INF2: variants seen among roughly 807,000 people sequenced by gnomAD.
INF2 encodes the protein inverted formin-2.
INF2 carries 43 observed loss-of-function variants against 123.5 expected under a neutral mutation model. That is an observed-to-expected ratio of 0.35 (90% CI 0.27 to 0.45). INF2 has a LOEUF of 0.45. INF2 is among the 20% of genes least tolerant of loss of function. INF2 has a pLI of 1.00. For synonymous variants in INF2, 851 were observed against 745.0 expected (o/e 1.14, Z -2.32); for missense variants, 1,453 against 1,682.7 (o/e 0.86, Z 2.39).
chr14:104,687,270 T>C (rs1052020020), upstream of INF2, among the ~76,000 whole-genome samples: 2 of 151,980 alleles, frequency 1.3e-5, no homozygotes, highest in Non-Finnish European at 2.9e-5. This position sits in a 1 kb window ranked among gnomAD's most constrained non-coding sequence, Gnocchi z 5.6. Context: ...CTGGGAGCGC[T>C]GGAGGTACAG....
At chr14:104,681,190 A>G in exon 1 of INF2, 2 of 318,260 alleles carry the variant, frequency 6.3e-6, no homozygotes, top group South Asian at 2.6e-5. Flanking sequence ...GCAGGAGGAA[A>G]TGGGGCGGGC....
intron 6 of INF2, 49 bp from the exon 7 acceptor site, chr14:104,706,861 A>C (rs1411812082): frequency 6.3e-7 from 1 of 1,593,816 alleles, no homozygotes; most frequent in African/African-American, 1.3e-5. Context: ...TCCTTAGTCC[A>C]CCAGGGAGGG....
intron 5 of INF2, chr14:104,704,739 A>G (rs1205823216): frequency 6.6e-6 from 1 of 152,494 alleles, no homozygotes; most frequent in African/African-American, 2.4e-5. Flanking sequence ...CGCCTACGTT[A>G]CACAGTGTAC....
chr14:104,687,109 G>C (rs1014977841), upstream of INF2, among the ~76,000 whole-genome samples: 3 of 152,204 alleles, frequency 2.0e-5, no homozygotes, highest in Non-Finnish European at 4.4e-5. The surrounding 1 kb of genome is among the most constrained non-coding windows in gnomAD (Gnocchi z 5.6). Context: ...CCGACACCCA[G>C]GAGGGGAGGC....
chr14:104,705,251 T>A lies in INF2; in HGVS notation c.702-784T>A, dbSNP rs374407496. Among the ~76,000 whole-genome samples the A allele has an allele frequency of 9.9e-5, 15 of 152,284 alleles. No homozygotes were observed. The South Asian group carries it at 1.9e-3, about 19-fold the overall frequency. On this transcript the variant is annotated intron_variant, in intron 5 of 22. Transcript: ENST00000392634. Reference sequence around the variant, plus strand: ...GGCCAACATGGTGAAACCCCATCTCTACTAAAAGTACAAAAATTAGCTGGC... The same window carrying A: ...GGCCAACATGGTGAAACCCCATCTCAACTAAAAGTACAAAAATTAGCTGGC...
At chr14:104,686,190 G>A (rs768319477), upstream of INF2, among the ~76,000 whole-genome samples, 2 of 151,166 alleles carry the variant, frequency 1.3e-5, no homozygotes, top group Non-Finnish European at 3.0e-5. Context: ...ATGATAGGTG[G>A]GTAGGTGGAT....
chr14:104,704,793 A>C (rs577195718), intron 5 of INF2: 1 of 152,138 alleles, frequency 6.6e-6, no homozygotes, highest in East Asian at 1.9e-4. Flanking sequence ...TAAAATAAAA[A>C]TTTTTTAAAA....
chr14:104,707,694 T>A lies in INF2; in HGVS notation c.1427T>A (p.Leu476Gln). 1.5e-6 allele frequency: 1 copy of A among 656,636 alleles called. No individual in the cohort carries two copies. Among genetic ancestry groups the A allele is most frequent in the Non-Finnish European group, 2.3e-6 (1 of 438,612 alleles). The allele number at this position is 656,636 out of a possible 1,614,324, so 40.7% of individuals were successfully genotyped here. ...LGAMAPPAPP[L>Q]PPPLPGSCEF... ...GCCATGGCCCCCCCAGCACCTCCTCTACCACCACCCCTGCCAGGCTCCTGT... is the reference window on the plus strand; with the variant it reads ...GCCATGGCCCCCCCAGCACCTCCTCAACCACCACCCCTGCCAGGCTCCTGT... Residue 476 changes from leucine (L) to glutamine (Q), a missense_variant, in exon 8 of 23, where the codon CTA becomes CAA. Leu to Gln is a moderately radical substitution (Grantham distance 113). Around this residue, in one of 8 missense-constraint regions of INF2, gnomAD observed 374 missense variants for 303.7 expected, o/e 1.23. Coordinates refer to ENST00000392634, the MANE Select transcript of INF2 (RefSeq NM_022489.4).
chr14:104,716,254 T>G (rs1890295629), intron 22 of INF2, among the ~76,000 whole-genome samples: 1 of 152,192 alleles, frequency 6.6e-6, no homozygotes, highest in African/African-American at 2.4e-5. Context: ...GGTGCACACC[T>G]GAGGTCTGCT....
At chr14:104,686,891 A>G (rs1368124682), upstream of INF2, among the ~76,000 whole-genome samples, 1 of 152,130 alleles carries the variant, frequency 6.6e-6, no homozygotes, top group Non-Finnish European at 1.5e-5. Context: ...CTCTCCCCTC[A>G]TCCCAATCTT....
chr14:104,682,746 C>A (rs541802724), intron 1 of INF2, among the ~76,000 whole-genome samples: 1 of 152,120 alleles, frequency 6.6e-6, no homozygotes, highest in East Asian at 1.9e-4. Context: ...GAATGCTCAC[C>A]GTGAAACCAA....
In INF2 at chr14:104,701,648, G is replaced by A. The variant is rs1370674003; in HGVS notation, c.283G>A (p.Ala95Thr). The A allele has an allele frequency of 2.5e-6, 4 of 1,596,892 alleles. No individual in the cohort carries two copies. Among genetic ancestry groups the A allele is most frequent in the Admixed American group, 3.4e-5 (2 of 59,178 alleles). ...CCGCGGCGTTGCACGTATCTCCGACGCCCTGCTGCAGCTCACCTGCGTCAG... is the reference window on the plus strand; with the variant it reads ...CCGCGGCGTTGCACGTATCTCCGACACCCTGCTGCAGCTCACCTGCGTCAG... ...SGRGVARISD[A>T]LLQLTCVSCV... Residue 95 changes from alanine (A) to threonine (T), a missense_variant, in exon 2 of 23, where the codon GCC (alanine) becomes ACC (threonine). This residue lies in a region of INF2 where 251 missense variants were observed against 349.4 expected (regional missense o/e 0.72). Transcript: ENST00000392634.
At chr14:104,691,417 G>A (rs1595151850) in intron 1 of INF2, 1 of 152,314 alleles carries the variant, frequency 6.6e-6, no homozygotes, top group Non-Finnish European at 1.5e-5. Flanking sequence ...CTTTTTGCTG[G>A]TGCCTGGAGG....
chr14:104,714,265 G>A lies in INF2; in HGVS notation c.3103G>A (p.Gly1035Ser), dbSNP rs368995122. ...CACGCGCTGTCCCGCCTCTGAGCCC[G>A]GCCTTGATGCTACAACAGCCAGCGA... The part of the protein sequence containing the change: ...GSTRCPASEP[G>S]LDATTASESR... The change falls in exon 21 of 23, where the codon GGC (glycine) becomes AGC (serine). Residue 1035 changes from glycine to serine, a missense_variant. Physicochemically the swap from Gly to Ser is moderately conservative, Grantham distance 56. Coordinates refer to ENST00000392634, the MANE Select transcript of INF2 (RefSeq NM_022489.4). 468 of 1,593,742 alleles carry A rather than the reference G, an allele frequency of 2.9e-4. No individual in the cohort carries two copies. Among genetic ancestry groups the A allele is most frequent in the Non-Finnish European group, 3.8e-4 (447 of 1,171,758 alleles).
At position 104,684,485 on chromosome 14, in the gene INF2, C is replaced by G. The variant is rs901635002; in HGVS notation, c.-104+2903C>G. On this transcript the variant is annotated intron_variant, in intron 1 of 2. Transcript: ENST00000674723. The surrounding 1 kb of genome is among the most constrained non-coding windows in gnomAD (Gnocchi z 5.0). ...CTCAGAGACTGTGGAGCGAAAGAAGCCAGACACAAAGGTTGACATTTACAC... is the reference window on the plus strand; with the variant it reads ...CTCAGAGACTGTGGAGCGAAAGAAGGCAGACACAAAGGTTGACATTTACAC... 11 of 182,730 alleles carry G rather than the reference C, an allele frequency of 6.0e-5. No individual in the cohort carries two copies. The highest frequency in any genetic ancestry group is 2.4e-4 in the African/African-American group (10 of 42,164). The allele number at this position is 182,730 out of a possible 1,614,324, so 11.3% of individuals were successfully genotyped here. A position where few individuals can be genotyped will look rare whatever the true frequency, so the allele number is the denominator to read the frequency against.
chr14:104,701,729 C>A lies in INF2; in HGVS notation c.364C>A (p.Gln122Lys). 6.5e-7 allele frequency: 1 copy of A among 1,530,222 alleles called. No individual in the cohort carries two copies. Among genetic ancestry groups the A allele is most frequent in the African/African-American group, 1.4e-5 (1 of 73,418 alleles). 94.8% of individuals were successfully genotyped at this position (1,530,222 alleles called of 1,614,324 possible). ...GGGCATCGAGTACATCCTCAGCAAC[C>A]AGGGCTACGTGCGCCAGCTCTCCCA... ...RQGIEYILSN[Q>K]GYVRQLSQAL... Residue 122 changes from glutamine (Q) to lysine (K), a missense_variant, in exon 2 of 23, where the codon CAG (glutamine) becomes AAG (lysine). Transcript: ENST00000392634.
At chr14:104,714,985 G>T in intron 21 of INF2, 129 bp downstream of exon 21, 1 of 1,037,502 alleles carries the variant, frequency 9.6e-7, no homozygotes, top group Non-Finnish European at 1.4e-6. Flanking sequence ...GTGCGGCACG[G>T]GAGAGGAGGC....
intron 1 of INF2, chr14:104,683,933 G>T (rs953035240): frequency 4.8e-5 from 20 of 413,364 alleles, no homozygotes; most frequent in South Asian, 3.5e-4. Flanking sequence ...ATGGGTTGGG[G>T]TGCGGGTGGG....
Position 104,712,553 on chromosome 14 carries a change from G to A in INF2, c.2610G>A (p.Gln870=). 6.2e-7 allele frequency: 1 copy of A among 1,612,630 alleles called. No individual in the cohort carries two copies. The highest frequency in any genetic ancestry group is 8.5e-7 in the Non-Finnish European group (1 of 1,179,784). ...AGGAGCAGTACACCGAGCGCCTCCA[G>A]GCAAGTGGGCACCTGGGCCTGGGGC... is the stretch of plus-strand genomic sequence containing the variant. ...EVQEQYTERL[Q]ASISAFRALD... The change falls in exon 17 of 23, where the codon CAG becomes CAA. Residue 870 remains glutamine, a splice_region_variant and synonymous_variant. Transcript: ENST00000392634.
Sources: allele counts gnomAD v4.1 joint callset (sites outside exome capture counted in the v4.1 genomes callset), GRCh38; gene constraint gnomAD v4.1.1; regional missense constraint gnomAD v4.1.1; non-coding constraint Gnocchi (gnomAD v3.1); transcripts MANE v1.5; gene names NCBI Gene and HGNC (gene_info 2026-07-23, HGNC 2026-07-21).